USP4: variants seen among roughly 807,000 people sequenced by gnomAD.
USP4 encodes the protein ubiquitin specific peptidase 4.
USP4 carries 72 observed loss-of-function variants against 118.2 expected under a neutral mutation model. The ratio of observed to expected loss-of-function variants is 0.61; its 90% CI spans 0.50 to 0.74. The LOEUF (loss-of-function observed/expected upper bound fraction) is 0.74, where lower values mean the gene tolerates loss of function less well. Ranked by LOEUF, USP4 falls within the 30% of genes least tolerant of loss-of-function variation. The pLI is 0.00. For missense variants in USP4, 1,037 were observed against 1,185.7 expected (o/e 0.87, Z 1.84); for synonymous variants, 415 against 440.4 (o/e 0.94, Z 0.72).
At chr3:49,311,722 G>T (rs2047385007) in intron 6 of USP4, 68 bp from the exon 7 acceptor site, 1 of 1,572,450 alleles carries the variant, frequency 6.4e-7, no homozygotes, top group Non-Finnish European at 8.6e-7. Flanking sequence ...TAATGCCTTA[G>T]GTTGCTTCTC....
At chr3:49,285,316 GA>G (rs2047081254) in intron 16 of USP4, among the ~76,000 whole-genome samples, 1 of 151,626 alleles carries the variant, frequency 6.6e-6, no homozygotes, top group African/African-American at 2.4e-5. Flanking sequence ...AAAAAAAAAA[GA>G]GACCCCTACA....
rs1312178104 is a variant in USP4 at position 49,280,545 on chromosome 3, A to G, written c.2644+199T>C. 2.7e-5 allele frequency among the ~76,000 whole-genome samples: 4 copies of G among 148,866 alleles called. No individual in the cohort carries two copies. The Admixed American group carries it at 2.7e-4, about 10-fold the overall frequency. On this transcript the variant is annotated intron_variant, in intron 20 of 21. Transcript: ENST00000265560. The stretch of plus-strand genomic sequence containing the variant: ...ACTGTGTTCTAGCCTGGGTGACATA[A>G]CGAGACTCCGTCTCAAAAAAAAAAA...
At chr3:49,321,871 T>TACTACTCA in intron 6 of USP4, among the ~76,000 whole-genome samples, 1 of 152,088 alleles carries the variant, frequency 6.6e-6, no homozygotes, top group Non-Finnish European at 1.5e-5. Flanking sequence ...GGCATGCACC[T>TACTACTCA]GTAATCCCAG....
At chr3:49,308,272 G>C (rs967044629) in intron 8 of USP4, among the ~76,000 whole-genome samples, 1 of 152,042 alleles carries the variant, frequency 6.6e-6, no homozygotes, top group African/African-American at 2.4e-5. Context: ...GGGGCTTTGG[G>C]TCACATGGTA....
intron 2 of USP4, among the ~76,000 whole-genome samples, chr3:49,330,139 C>A (rs910656083): frequency 6.6e-6 from 1 of 151,460 alleles, no homozygotes; most frequent in African/African-American, 2.4e-5. Context: ...CCACTGCACT[C>A]CAGCCTGGGC....
chr3:49,303,269 C>G (rs1162836517), intron 9 of USP4, among the ~76,000 whole-genome samples: 1 of 151,720 alleles, frequency 6.6e-6, no homozygotes, highest in Admixed American at 6.6e-5. Flanking sequence ...GGTGAAACCC[C>G]GTCTCTACTA....
intron 9 of USP4, 149 bp from the exon 10 acceptor site, chr3:49,302,691 C>T: frequency 1.4e-6 from 1 of 735,422 alleles, no homozygotes. Context: ...TCCTGAAGAG[C>T]CTACAGGAGG....
intron 10 of USP4, among the ~76,000 whole-genome samples, chr3:49,301,753 T>A (rs1428229135): frequency 6.6e-6 from 1 of 152,078 alleles, no homozygotes; most frequent in Non-Finnish European, 1.5e-5. Context: ...AGCTAACTCA[T>A]AGTTTTTCTA....
Position 49,327,825 on chromosome 3 carries a change from G to A in USP4, c.230-9C>T, listed in dbSNP as rs1199906860. On this transcript the variant is annotated splice_polypyrimidine_tract_variant and intron_variant, in intron 2 of 21. Coordinates refer to ENST00000265560, the MANE Select transcript of USP4 (RefSeq NM_003363.4). ...GGTCTGACTCTCAGGATCTAAAAAA[G>A]GAAAAGAGCACATAAGTCACTGCTC... 1.2e-6 allele frequency: 2 copies of A among 1,612,266 alleles called. No individual in the cohort carries two copies. The highest frequency in any genetic ancestry group is 1.1e-5 in the South Asian group (1 of 90,962).
At chr3:49,291,153 A>G (rs934672206) in intron 15 of USP4, among the ~76,000 whole-genome samples, 1 of 151,476 alleles carries the variant, frequency 6.6e-6, no homozygotes, top group African/African-American at 2.4e-5. Flanking sequence ...TTTAGCAGAG[A>G]TGGGGTTTCA....
rs546171675 is a variant in USP4 at position 49,298,321 on chromosome 3, T to C, written c.1596+231A>G. Among the ~76,000 whole-genome samples the C allele has an allele frequency of 1.7e-4, 26 of 152,326 alleles. 1 individual carries two copies. The South Asian group carries it at 5.4e-3, about 32-fold the overall frequency. ...CAGCAGAGCCCTACTCCTGGTCCTT[T>C]GACCACGGCTAGTGTGAACCCAATG... On this transcript the variant is annotated intron_variant, in intron 12 of 21. Transcript: ENST00000265560.
Position 49,277,372 on chromosome 3 carries a change from T to TG in USP4, c.*920dup. 1.7e-6 allele frequency: 1 copy of TG among 586,008 alleles called. No individual in the cohort carries two copies. Among genetic ancestry groups the TG allele is most frequent in the Non-Finnish European group, 2.6e-6 (1 of 389,790 alleles). 36.3% of individuals were successfully genotyped at this position (586,008 alleles called of 1,614,324 possible). A position where few individuals can be genotyped will look rare whatever the true frequency, so the allele number is the denominator to read the frequency against. ...TGGGAGTGGGGACGGGGCTTTCGAA[T>TG]GGGGGCCCCGGGAAGAGTCTTGGCA... On this transcript the variant is annotated 3_prime_UTR_variant, in exon 22 of 22. Coordinates refer to ENST00000265560, the MANE Select transcript of USP4 (RefSeq NM_003363.4).
intron 15 of USP4, among the ~76,000 whole-genome samples, chr3:49,287,744 T>C (rs1398634865): frequency 1.3e-5 from 2 of 152,170 alleles, no homozygotes; most frequent in East Asian, 3.9e-4. Context: ...AATGATGGGA[T>C]TACAGGCGTC....
At chr3:49,312,031 G>T (rs1192189738) in intron 6 of USP4, 3 of 369,442 alleles carry the variant, frequency 8.1e-6, no homozygotes, top group Non-Finnish European at 1.2e-5. Context: ...AAATGCAAAA[G>T]AAATTAGCCA....
intron 9 of USP4, 24 bp from the exon 10 acceptor site, chr3:49,302,566 GAAGGCATA>G: frequency 6.2e-7 from 1 of 1,608,788 alleles, no homozygotes; most frequent in Non-Finnish European, 8.5e-7. Flanking sequence ...AACTGTATCA[GAAGGCATA>G]ATACGTAAAG....
chr3:49,305,881 C>T lies in USP4; in HGVS notation c.962G>A (p.Ser321Asn). The change falls in exon 9 of 22, where the codon AGC becomes AAC. Residue 321 changes from serine (S) to asparagine (N), a missense_variant. Coordinates refer to ENST00000265560, the MANE Select transcript of USP4 (RefSeq NM_003363.4). ...GTAGTCAGTCAGTGGTGCAGTGTTG[C>T]TCAAACACTGAAACAGAACATGATG... ...CFMNSALQCL[S>N]NTAPLTDYFL... 1.2e-6 allele frequency: 2 copies of T among 1,612,558 alleles called. No individual in the cohort carries two copies. Among genetic ancestry groups the T allele is most frequent in the Non-Finnish European group, 1.7e-6 (2 of 1,179,312 alleles).
At chr3:49,303,655 C>A (rs1456232576) in intron 9 of USP4, among the ~76,000 whole-genome samples, 1 of 152,118 alleles carries the variant, frequency 6.6e-6, no homozygotes, top group African/African-American at 2.4e-5. Context: ...ATAACACATC[C>A]ATCACTGAGG....
chr3:49,306,036 C>A, intron 8 of USP4, 148 bp from the exon 9 acceptor site: 1 of 784,244 alleles, frequency 1.3e-6, no homozygotes, highest in Non-Finnish European at 1.9e-6. Flanking sequence ...CAGTAAAGCA[C>A]AGCCTCAAGG....
intron 6 of USP4, among the ~76,000 whole-genome samples, chr3:49,319,728 C>T (rs1348386707): frequency 6.6e-6 from 1 of 151,986 alleles, no homozygotes; most frequent in Non-Finnish European, 1.5e-5. Flanking sequence ...ATTCTCCTGC[C>T]TCAGCCTCCC....
Sources: gnomAD v4.1 joint callset for allele counts (sites outside exome capture counted in the v4.1 genomes callset) on GRCh38, gnomAD v4.1.1 for gene constraint, MANE v1.5 for transcripts, NCBI Gene and HGNC (gene_info 2026-07-23, HGNC 2026-07-21) for gene names.